The following CNOT4 variants were observed in gnomAD, a reference collection of about 807,000 sequenced individuals.
CNOT4 encodes the protein CCR4-NOT transcription complex subunit 4, also known as CCR4-associated factor 4.
Under a neutral mutation model 73.8 loss-of-function variants are expected in CNOT4, and 8 were observed. That is an observed-to-expected ratio of 0.11 (90% CI 0.06 to 0.20). The LOEUF is 0.20. Ranked by LOEUF, CNOT4 falls within the 10% of genes least tolerant of loss-of-function variation. The probability of loss-of-function intolerance (pLI) is 1.00; values close to 1 mark genes in which losing one functional copy is unlikely to be tolerated. For missense variants in CNOT4, 564 were observed against 883.4 expected (o/e 0.64, Z 4.58); for synonymous variants, 293 against 321.1 (o/e 0.91, Z 0.94).
At chr7:135,410,775 T>G (rs917968482) in intron 6 of CNOT4, 127 bp from the exon 7 acceptor site, 2 of 585,988 alleles carry the variant, frequency 3.4e-6, no homozygotes, top group African/African-American at 2.0e-5. Context: ...AAATAAAATA[T>G]TAAATAAATT....
chr7:135,374,446 T>C (rs908571438), intron 10 of CNOT4, among the ~76,000 whole-genome samples: 2 of 151,942 alleles, frequency 1.3e-5, no homozygotes, highest in African/African-American at 4.8e-5. Flanking sequence ...ATAACAGCAG[T>C]GTTTAGATGA....
chr7:135,395,112 G>C (rs530149742), intron 9 of CNOT4, among the ~76,000 whole-genome samples: 11 of 152,244 alleles, frequency 7.2e-5, no homozygotes, highest in African/African-American at 2.6e-4. Flanking sequence ...TCCTTGCCAG[G>C]TGCAGTGCTT....
chr7:135,485,994 C>G (rs1312680300), intron 1 of CNOT4, among the ~76,000 whole-genome samples: 1 of 152,066 alleles, frequency 6.6e-6, no homozygotes, highest in South Asian at 2.1e-4. Context: ...GATGAAAAGA[C>G]AAGTTAAAAC....
At position 135,362,876 on chromosome 7, in the gene CNOT4, C is replaced by A; in HGVS notation, c.*9G>T. On this transcript the variant is annotated 3_prime_UTR_variant, in exon 12 of 12. Coordinates refer to ENST00000541284, the MANE Select transcript of CNOT4 (RefSeq NM_001190850.2). ...AATCCTGCATTTTCTAATGGTTGCTCCTCTTTGCCTAATGGCGGTCCAGTG... is the reference window on the plus strand; with the variant it reads ...AATCCTGCATTTTCTAATGGTTGCTACTCTTTGCCTAATGGCGGTCCAGTG... 1 of 1,612,138 alleles carries A rather than the reference C, an allele frequency of 6.2e-7. No individual in the cohort carries two copies. The highest frequency in any genetic ancestry group is 1.3e-5 in the African/African-American group (1 of 74,766).
rs1794789919 is a variant in CNOT4 at position 135,364,160 on chromosome 7, G to T, written c.1628-94C>A. Reference sequence around the variant, plus strand: ...GTTCTTTAGTGGTTAAGCGGGAGAAGAATTATTCTTTCTTTATTGAGCATT... The same window carrying T: ...GTTCTTTAGTGGTTAAGCGGGAGAATAATTATTCTTTCTTTATTGAGCATT... On this transcript the variant is annotated intron_variant, in intron 10 of 11. Coordinates refer to ENST00000541284, the MANE Select transcript of CNOT4 (RefSeq NM_001190850.2). The surrounding 1 kb of genome is among the most constrained non-coding windows in gnomAD (Gnocchi z 4.3). 7.5e-6 allele frequency: 7 copies of T among 933,718 alleles called. No homozygotes were observed. The highest frequency in any genetic ancestry group is 9.7e-6 in the Non-Finnish European group (6 of 618,398). 57.8% of individuals were successfully genotyped at this position (933,718 alleles called of 1,614,324 possible).
chr7:135,408,406 T>C (rs183380395), intron 7 of CNOT4, among the ~76,000 whole-genome samples: 20 of 152,210 alleles, frequency 1.3e-4, no homozygotes, highest in African/African-American at 4.8e-4. Flanking sequence ...TGTATAATGG[T>C]TTATAGGCAT....
intron 10 of CNOT4, among the ~76,000 whole-genome samples, chr7:135,366,614 T>TC (rs1240876529): frequency 1.3e-5 from 2 of 151,852 alleles, no homozygotes; most frequent in Admixed American, 6.6e-5. Context: ...ACACCCCTCC[T>TC]CCCCCCAAAA....
chr7:135,374,462 C>T (rs1357003627), intron 10 of CNOT4, among the ~76,000 whole-genome samples: 1 of 152,124 alleles, frequency 6.6e-6, no homozygotes, highest in Non-Finnish European at 1.5e-5. Flanking sequence ...GATGAATCTA[C>T]ACAGAACTTG....
intron 1 of CNOT4, among the ~76,000 whole-genome samples, chr7:135,450,543 G>A (rs1459898531): frequency 4.6e-5 from 7 of 152,062 alleles, no homozygotes; most frequent in African/African-American, 1.2e-4. Context: ...TGGTACAGAC[G>A]GGGTTTCACC....
intron 9 of CNOT4, 108 bp downstream of exon 9, chr7:135,395,526 G>T: frequency 7.9e-7 from 1 of 1,258,242 alleles, no homozygotes; most frequent in Non-Finnish European, 1.1e-6. Flanking sequence ...TATTAAAAGA[G>T]AACAGAGAGG....
intron 1 of CNOT4, among the ~76,000 whole-genome samples, chr7:135,460,386 G>C (rs912745786): frequency 6.6e-6 from 1 of 152,168 alleles, no homozygotes; most frequent in African/African-American, 2.4e-5. Context: ...TTGGTTTAAA[G>C]TGAGAGACAT....
chr7:135,497,182 C>G (rs1048318207), intron 1 of CNOT4, among the ~76,000 whole-genome samples: 2 of 151,740 alleles, frequency 1.3e-5, no homozygotes, highest in African/African-American at 2.4e-5. Flanking sequence ...CCGAGGCAGG[C>G]GGATTGCTTG....
intron 7 of CNOT4, among the ~76,000 whole-genome samples, chr7:135,409,001 A>G (rs1416181459): frequency 1.3e-5 from 2 of 152,208 alleles, no homozygotes; most frequent in Non-Finnish European, 2.9e-5. Flanking sequence ...TTCAGAAGAC[A>G]ACAAATGTTA....
At chr7:135,452,274 G>T (rs1343392845) in intron 1 of CNOT4, among the ~76,000 whole-genome samples, 2 of 151,384 alleles carry the variant, frequency 1.3e-5, no homozygotes, top group Non-Finnish European at 2.9e-5. Flanking sequence ...TGTATCAAAG[G>T]ACATGTAAGA....
chr7:135,494,426 C>T (rs1000317951), intron 1 of CNOT4, among the ~76,000 whole-genome samples: 3 of 143,194 alleles, frequency 2.1e-5, no homozygotes, highest in African/African-American at 2.6e-5. Context: ...GCCGAGATCG[C>T]GCCATTGCAC....
intron 1 of CNOT4, among the ~76,000 whole-genome samples, chr7:135,492,320 T>C (rs1237942145): frequency 6.6e-6 from 1 of 152,176 alleles, no homozygotes. Context: ...GATGTAGATA[T>C]GAAGTACTCA....
intron 10 of CNOT4, chr7:135,387,553 AC>A (rs1796184710): frequency 1.1e-6 from 1 of 906,606 alleles, no homozygotes; most frequent in Non-Finnish European, 1.3e-6. Context: ...CCCCTTTCAT[AC>A]TTTTTTTTTT....
intron 1 of CNOT4, among the ~76,000 whole-genome samples, chr7:135,477,204 A>C (rs562534011): frequency 1.1e-4 from 17 of 152,054 alleles, no homozygotes; most frequent in Non-Finnish European, 1.8e-4. Flanking sequence ...TTAGCCAGGC[A>C]TGGTGGCACA....
intron 1 of CNOT4, among the ~76,000 whole-genome samples, chr7:135,439,585 C>A (rs111430896): frequency 0.02 from 3,039 of 152,200 alleles, 107 homozygotes; most frequent in African/African-American, 0.069. Flanking sequence ...GAGTTCAAGA[C>A]CAGCACAACA....
Sources: allele counts gnomAD v4.1 joint callset (sites outside exome capture counted in the v4.1 genomes callset), GRCh38; gene constraint gnomAD v4.1.1; non-coding constraint Gnocchi (gnomAD v3.1); transcripts MANE v1.5; gene names NCBI Gene and HGNC (gene_info 2026-07-23, HGNC 2026-07-21).